Variants in C3orf70 observed in about 807,000 individuals in gnomAD.
C3orf70 encodes the protein chromosome 3 open reading frame 70, also known as UPF0524 protein C3orf70.
C3orf70 carries 15 observed loss-of-function variants against 20.7 expected under a neutral mutation model. The ratio of observed to expected loss-of-function variants is 0.72; its 90% CI spans 0.48 to 1.11. The LOEUF (loss-of-function observed/expected upper bound fraction) is 1.11, where lower values mean the gene tolerates loss of function less well. C3orf70 is among the 50% of genes most tolerant of loss of function. The probability of loss-of-function intolerance (pLI) is 0.00; values close to 1 mark genes in which losing one functional copy is unlikely to be tolerated. For synonymous variants in C3orf70, 161 were observed against 125.7 expected (o/e 1.28, Z -1.88); for missense variants, 332 against 317.6 (o/e 1.05, Z -0.34).
intron 1 of C3orf70, among the ~76,000 whole-genome samples, chr3:185,097,741 A>C (rs1209345168): frequency 6.6e-6 from 1 of 152,232 alleles, no homozygotes; most frequent in Non-Finnish European, 1.5e-5. Flanking sequence ...CCTATAACGC[A>C]TGTGGAACAC....
intron 1 of C3orf70, among the ~76,000 whole-genome samples, chr3:185,122,417 T>C (rs926604604): frequency 6.6e-6 from 1 of 152,184 alleles, no homozygotes; most frequent in African/African-American, 2.4e-5. Context: ...ATCCCAAATG[T>C]TGAAATCTTA....
At chr3:185,151,812 G>A (rs1158110678) in intron 1 of C3orf70, among the ~76,000 whole-genome samples, 1 of 152,138 alleles carries the variant, frequency 6.6e-6, no homozygotes, top group Non-Finnish European at 1.5e-5. Context: ...ATCGGATATA[G>A]TCCAAATACT....
chr3:185,109,389 C>T (rs1246130477), intron 1 of C3orf70, among the ~76,000 whole-genome samples: 1 of 152,202 alleles, frequency 6.6e-6, no homozygotes, highest in African/African-American at 2.4e-5. Context: ...ACCATCAAGA[C>T]ACCTGAAACT....
At chr3:185,147,491 T>C (rs114747932) in intron 1 of C3orf70, among the ~76,000 whole-genome samples, 1,938 of 152,330 alleles carry the variant, frequency 0.013, 45 homozygotes, top group African/African-American at 0.045. Flanking sequence ...CTGAGCTCTG[T>C]TGGTTCTGCT....
intron 1 of C3orf70, among the ~76,000 whole-genome samples, chr3:185,115,829 C>T (rs13433850): frequency 0.053 from 8,085 of 152,236 alleles, 680 homozygotes; most frequent in African/African-American, 0.18. Context: ...TGACCTCACA[C>T]GGCAAAAAGA....
chr3:185,120,081 TATA>T (rs1447128049), intron 1 of C3orf70, among the ~76,000 whole-genome samples: 11 of 146,762 alleles, frequency 7.5e-5, no homozygotes, highest in Non-Finnish European at 6.0e-5. Flanking sequence ...TACTTGGTCA[TATA>T]ATAATAACAG....
At position 185,116,925 on chromosome 3, in the gene C3orf70, C is replaced by T. The variant is rs141966164; in HGVS notation, c.197-33362G>A. ...TCCCAAGTAGCTGGGACTACAGGTG[C>T]CCACCACCATGCCCGGCTAATTTTT... On this transcript the variant is annotated intron_variant, in intron 1 of 1. Coordinates refer to ENST00000335012, the MANE Select transcript of C3orf70 (RefSeq NM_001025266.3). Among the ~76,000 whole-genome samples the T allele has an allele frequency of 3.6e-3, 546 of 152,018 alleles. 4 individuals are homozygous for T. The highest frequency in any genetic ancestry group is 0.013 in the African/African-American group (530 of 41,488).
At chr3:185,140,143 T>C (rs1716721824) in intron 1 of C3orf70, among the ~76,000 whole-genome samples, 1 of 152,218 alleles carries the variant, frequency 6.6e-6, no homozygotes, top group Non-Finnish European at 1.5e-5. Context: ...GGGAATACTA[T>C]ATTTCCAATC....
intron 1 of C3orf70, among the ~76,000 whole-genome samples, chr3:185,116,399 G>A (rs983249245): frequency 7.2e-5 from 11 of 152,266 alleles, no homozygotes; most frequent in African/African-American, 2.6e-4. Flanking sequence ...ATCTACTCAA[G>A]GACTATATAT....
At chr3:185,100,798 G>C (rs56395809) in intron 1 of C3orf70, among the ~76,000 whole-genome samples, 5,874 of 151,422 alleles carry the variant, frequency 0.039, 343 homozygotes, top group African/African-American at 0.13. Flanking sequence ...TCACTACCTA[G>C]ACTAATAAAG....
chr3:185,144,006 ACACACT>A (rs1295811288), intron 1 of C3orf70, among the ~76,000 whole-genome samples: 2 of 150,640 alleles, frequency 1.3e-5, no homozygotes, highest in African/African-American at 5.0e-5. Context: ...ACACACACAC[ACACACT>A]CAACACATAG....
intron 1 of C3orf70, among the ~76,000 whole-genome samples, chr3:185,102,150 G>C (rs919831917): frequency 6.6e-6 from 1 of 152,116 alleles, no homozygotes; most frequent in Non-Finnish European, 1.5e-5. Context: ...CAGACAACAC[G>C]ATCCTATATC....
rs2108609885 is a variant in C3orf70 at position 185,152,844 on chromosome 3, G to C, written c.-21C>G. On this transcript the variant is annotated 5_prime_UTR_variant, in exon 1 of 2. Transcript: ENST00000335012. The stretch of plus-strand genomic sequence containing the variant: ...CTCATTTCCTCTCCCTCCGCGCGGA[G>C]CCGACACCGGGAGCCCGGGAGAAGC... The C allele has an allele frequency of 6.6e-7, 1 of 1,504,614 alleles. No individual in the cohort carries two copies. Among genetic ancestry groups the C allele is most frequent in the Non-Finnish European group, 8.9e-7 (1 of 1,122,428 alleles). 93.2% of individuals were successfully genotyped at this position (1,504,614 alleles called of 1,614,324 possible). A position where few individuals can be genotyped will look rare whatever the true frequency, so the allele number is the denominator to read the frequency against.
At chr3:185,104,521 C>T (rs1715886432) in intron 1 of C3orf70, among the ~76,000 whole-genome samples, 1 of 152,160 alleles carries the variant, frequency 6.6e-6, no homozygotes, top group African/African-American at 2.4e-5. Flanking sequence ...AAGACACATG[C>T]ATGCATATGT....
chr3:185,105,777 T>G (rs1577323597), intron 1 of C3orf70, among the ~76,000 whole-genome samples: 5 of 152,288 alleles, frequency 3.3e-5, no homozygotes, highest in African/African-American at 1.2e-4. Context: ...GGTTGGAGAA[T>G]GTGGAACTAG....
chr3:185,107,493 T>A (rs1715969488), intron 1 of C3orf70, among the ~76,000 whole-genome samples: 1 of 152,178 alleles, frequency 6.6e-6, no homozygotes, highest in South Asian at 2.1e-4. Flanking sequence ...ACAAAGTTCC[T>A]GACAAAGATT....
chr3:185,148,676 T>C (rs1716924570), intron 1 of C3orf70, among the ~76,000 whole-genome samples: 1 of 152,210 alleles, frequency 6.6e-6, no homozygotes, highest in Admixed American at 6.5e-5. Context: ...CAAGCCAATA[T>C]CACTCCTTAC....
At chr3:185,091,322 A>C (rs1004599514) in intron 1 of C3orf70, among the ~76,000 whole-genome samples, 2 of 152,142 alleles carry the variant, frequency 1.3e-5, no homozygotes, top group African/African-American at 2.4e-5. Flanking sequence ...GTCGATCAAA[A>C]GGGCAAAGGA....
intron 1 of C3orf70, among the ~76,000 whole-genome samples, chr3:185,123,841 C>T (rs1347927573): frequency 6.6e-6 from 1 of 152,006 alleles, no homozygotes; most frequent in Non-Finnish European, 1.5e-5. Context: ...AAACAAATGT[C>T]CTTTGAAGAA....
Sources: allele counts gnomAD v4.1 joint callset (sites outside exome capture counted in the v4.1 genomes callset), GRCh38; gene constraint gnomAD v4.1.1; transcripts MANE v1.5; gene names NCBI Gene and HGNC (gene_info 2026-07-23, HGNC 2026-07-21).